CAMK1D: variants seen among roughly 807,000 people sequenced by gnomAD.
The protein encoded by CAMK1D is calcium/calmodulin dependent protein kinase ID.
In CAMK1D, 9 loss-of-function variants were observed where a neutral mutation model predicts 47.7. That is an observed-to-expected ratio of 0.19 (90% CI 0.11 to 0.33). The LOEUF (loss-of-function observed/expected upper bound fraction) is 0.33. Ranked by LOEUF, CAMK1D falls within the 10% of genes least tolerant of loss-of-function variation. The pLI is 1.00. For missense variants in CAMK1D, 291 were observed against 488.7 expected (o/e 0.60, Z 3.81); for synonymous variants, 184 against 184.9 (o/e 0.99, Z 0.04).
intron 2 of CAMK1D, among the ~76,000 whole-genome samples, chr10:12,629,650 C>T (rs762193057): frequency 5.9e-5 from 9 of 152,228 alleles, no homozygotes; most frequent in Non-Finnish European, 1.2e-4. Flanking sequence ...TCTACATTAT[C>T]TCCCAGAAGT....
At chr10:12,592,756 G>A (rs1314249346) in intron 2 of CAMK1D, among the ~76,000 whole-genome samples, 4 of 152,118 alleles carry the variant, frequency 2.6e-5, no homozygotes, top group Admixed American at 6.5e-5. Context: ...TATTTCTCCC[G>A]TGGCTACTAA....
At chr10:12,637,161 G>A (rs895872141) in intron 2 of CAMK1D, among the ~76,000 whole-genome samples, 2 of 151,852 alleles carry the variant, frequency 1.3e-5, no homozygotes, top group Admixed American at 6.6e-5. Context: ...TAGTAGAGAC[G>A]GGGTTTCACC....
chr10:12,778,873 T>TA (rs145357053), intron 5 of CAMK1D, among the ~76,000 whole-genome samples: 5,835 of 151,994 alleles, frequency 0.038, 379 homozygotes, highest in African/African-American at 0.13. Flanking sequence ...ACCCCATCTC[T>TA]AAAAAAATAC....
At chr10:12,612,657 G>A (rs1205555717) in intron 2 of CAMK1D, among the ~76,000 whole-genome samples, 1 of 152,138 alleles carries the variant, frequency 6.6e-6, no homozygotes, top group Non-Finnish European at 1.5e-5. Flanking sequence ...GGTCCTGGAT[G>A]GGCGTGGAGG....
At chr10:12,457,115 G>A (rs1306580590) in intron 1 of CAMK1D, among the ~76,000 whole-genome samples, 1 of 152,168 alleles carries the variant, frequency 6.6e-6, no homozygotes, top group East Asian at 1.9e-4. Flanking sequence ...TTCTGTCCAG[G>A]CATGGTGGCT....
chr10:12,492,157 T>C (rs1375454424), intron 1 of CAMK1D, among the ~76,000 whole-genome samples: 1 of 151,906 alleles, frequency 6.6e-6, no homozygotes, highest in Non-Finnish European at 1.5e-5. Context: ...AGGATGACAG[T>C]GGGAAGTGCC....
intron 1 of CAMK1D, among the ~76,000 whole-genome samples, chr10:12,523,073 C>T (rs77783698): frequency 0.51 from 76,086 of 148,056 alleles, 19,538 homozygotes; most frequent in South Asian, 0.62. Flanking sequence ...TCAGTCGGGG[C>T]GGCTGCCGGG....
intron 3 of CAMK1D, among the ~76,000 whole-genome samples, chr10:12,721,005 G>A (rs1268367048): frequency 6.6e-6 from 1 of 152,164 alleles, no homozygotes; most frequent in Non-Finnish European, 1.5e-5. Flanking sequence ...ATATAAATAG[G>A]CCCTGACCTG....
intron 8 of CAMK1D, among the ~76,000 whole-genome samples, chr10:12,819,431 C>A (rs1235236163): frequency 2.0e-5 from 3 of 152,196 alleles, no homozygotes; most frequent in Non-Finnish European, 2.9e-5. Flanking sequence ...AGGGCAGGGG[C>A]CTGGCCTGGC....
chr10:12,439,300 T>G lies in CAMK1D; in HGVS notation c.92+89390T>G, dbSNP rs11257791. On this transcript the variant is annotated intron_variant, in intron 1 of 10. Transcript: ENST00000619168. ...AGCAGTTGTTTGTTATGGTTTAATA[T>G]TTATCGAAAACTCCCATCTGTGGGG... Among the ~76,000 whole-genome samples the G allele has an allele frequency of 7.3e-4, 111 of 152,350 alleles. 1 individual carries two copies. In the East Asian group the frequency reaches 0.018, roughly 25 times the overall value.
intron 1 of CAMK1D, among the ~76,000 whole-genome samples, chr10:12,518,319 AC>A (rs1268358450): frequency 3.9e-5 from 6 of 152,210 alleles, no homozygotes; most frequent in African/African-American, 1.4e-4. Flanking sequence ...CATATGACCA[AC>A]AAATTTTAAA....
intron 3 of CAMK1D, among the ~76,000 whole-genome samples, chr10:12,674,256 A>C (rs1840722132): frequency 6.6e-6 from 1 of 152,224 alleles, no homozygotes; most frequent in Non-Finnish European, 1.5e-5. Flanking sequence ...TGTCTGGGTC[A>C]GTGAGAAAGT....
At chr10:12,377,710 T>C (rs536985740) in intron 1 of CAMK1D, among the ~76,000 whole-genome samples, 1 of 152,324 alleles carries the variant, frequency 6.6e-6, no homozygotes, top group South Asian at 2.1e-4. Flanking sequence ...ATATTTTTAA[T>C]GATTGGAGAA....
At chr10:12,685,185 C>T (rs1448710018) in intron 3 of CAMK1D, among the ~76,000 whole-genome samples, 4 of 152,184 alleles carry the variant, frequency 2.6e-5, no homozygotes, top group Admixed American at 2.6e-4. Flanking sequence ...CCTGTAGTCC[C>T]AGCTACTCGG....
chr10:12,514,914 A>C (rs1455737323), intron 1 of CAMK1D, among the ~76,000 whole-genome samples: 1 of 152,136 alleles, frequency 6.6e-6, no homozygotes, highest in African/African-American at 2.4e-5. Flanking sequence ...GCAGTGGTAT[A>C]ATCTTGGCTC....
intron 3 of CAMK1D, among the ~76,000 whole-genome samples, chr10:12,696,865 C>T (rs1042324016): frequency 1.6e-4 from 24 of 152,298 alleles, no homozygotes; most frequent in Non-Finnish European, 1.2e-4. Flanking sequence ...TAAATACACA[C>T]AGTTCATGCT....
intron 3 of CAMK1D, among the ~76,000 whole-genome samples, chr10:12,671,071 A>G (rs894987571): frequency 2.0e-5 from 3 of 152,222 alleles, no homozygotes; most frequent in Admixed American, 6.5e-5. Flanking sequence ...TTTCGTGACT[A>G]GATTCTCTCT....
chr10:12,656,414 C>T (rs894395514), intron 2 of CAMK1D, among the ~76,000 whole-genome samples: 3 of 152,066 alleles, frequency 2.0e-5, no homozygotes, highest in African/African-American at 7.2e-5. Context: ...ATCACTTGAG[C>T]CTGGGAGGCA....
At chr10:12,449,604 A>G (rs1356978133) in intron 1 of CAMK1D, among the ~76,000 whole-genome samples, 2 of 152,232 alleles carry the variant, frequency 1.3e-5, no homozygotes, top group Admixed American at 6.5e-5. Context: ...ATGTATACAT[A>G]TATCAAAACA....
Sources: allele counts gnomAD v4.1 joint callset (sites outside exome capture counted in the v4.1 genomes callset), GRCh38; gene constraint gnomAD v4.1.1; transcripts MANE v1.5; gene names NCBI Gene and HGNC (gene_info 2026-07-23, HGNC 2026-07-21).